The following DHDDS variants were observed in gnomAD, a reference collection of about 807,000 sequenced individuals.
DHDDS encodes the protein dehydrodolichyl diphosphate synthase complex subunit DHDDS.
In DHDDS, 16 loss-of-function variants were observed where a neutral mutation model predicts 46.2. The observed-to-expected ratio is 0.35, with a 90% CI of 0.23 to 0.53. The LOEUF (loss-of-function observed/expected upper bound fraction) is 0.53, where lower values mean the gene tolerates loss of function less well. Ranked by LOEUF, DHDDS falls within the 20% of genes least tolerant of loss-of-function variation. The probability of loss-of-function intolerance (pLI) is 0.94; values close to 1 mark genes in which losing one functional copy is unlikely to be tolerated. For synonymous variants in DHDDS, 151 were observed against 163.1 expected (o/e 0.93, Z 0.56); for missense variants, 340 against 423.7 (o/e 0.80, Z 1.73).
chr1:26,432,837 T>C, intron 1 of DHDDS, 54 bp from the exon 2 acceptor site: 2 of 1,150,084 alleles, frequency 1.7e-6, no homozygotes, highest in Non-Finnish European at 1.3e-6. Context: ...AGAAGTCAGT[T>C]ATAGCTCTTC....
chr1:26,459,069 C>A (rs1055845056), intron 7 of DHDDS, among the ~76,000 whole-genome samples: 3 of 152,168 alleles, frequency 2.0e-5, no homozygotes, highest in African/African-American at 7.2e-5. Flanking sequence ...GTGAGTGAGT[C>A]AGAAATGATC....
intron 3 of DHDDS, among the ~76,000 whole-genome samples, chr1:26,441,760 G>A (rs1190849940): frequency 1.3e-5 from 2 of 151,972 alleles, no homozygotes; most frequent in Non-Finnish European, 2.9e-5. Context: ...GCCAGATGTG[G>A]TGGCACATGC....
chr1:26,469,412 G>A lies in DHDDS; in HGVS notation c.*281G>A, dbSNP rs1213398424. 1.8e-6 allele frequency: 1 copy of A among 545,268 alleles called. No individual in the cohort carries two copies. The highest frequency in any genetic ancestry group is 1.9e-5 in the African/African-American group (1 of 52,714). 33.8% of individuals were successfully genotyped at this position (545,268 alleles called of 1,614,324 possible). A position where few individuals can be genotyped will look rare whatever the true frequency, so the allele number is the denominator to read the frequency against. On this transcript the variant is annotated 3_prime_UTR_variant, in exon 9 of 9. Coordinates refer to ENST00000236342, the MANE Select transcript of DHDDS (RefSeq NM_205861.3). ...AGCAAAGGGCCACAACTCATCAGCT[G>A]CCTGTCTCTTAGATGCACTTTCTTT...
chr1:26,454,602 C>G, intron 6 of DHDDS: 2 of 867,028 alleles, frequency 2.3e-6, no homozygotes, highest in Non-Finnish European at 1.8e-6. Flanking sequence ...TTTTTTTTTT[C>G]CCTTTTAATT....
chr1:26,468,650 AAG>A (rs2075517569), intron 8 of DHDDS, among the ~76,000 whole-genome samples: 2 of 152,170 alleles, frequency 1.3e-5, no homozygotes, highest in Admixed American at 1.3e-4. Context: ...GAAAAACTTT[AAG>A]AAGTACAGAC....
In DHDDS at chr1:26,435,675, C is replaced by T. The variant is rs113298140; in HGVS notation, c.64-2493C>T. ...TGTCGCCCAGGCTGCAGTGTGGTGG[C>T]GTGATCTTGGCTCACTGCAACCTCT... On this transcript the variant is annotated intron_variant, in intron 2 of 8. Transcript: ENST00000236342. Among the ~76,000 whole-genome samples the T allele has an allele frequency of 2.0e-3, 293 of 146,396 alleles. 1 individual carries two copies. Among genetic ancestry groups the T allele is most frequent in the African/African-American group, 5.4e-3 (212 of 39,434 alleles).
intron 2 of DHDDS, among the ~76,000 whole-genome samples, chr1:26,433,534 A>T (rs1249097524): frequency 6.6e-6 from 1 of 152,052 alleles, no homozygotes; most frequent in African/African-American, 2.4e-5. Context: ...CTGTAGTCCC[A>T]GCTACTCGGA....
Position 26,469,215 on chromosome 1 carries a change from C to T in DHDDS, c.*84C>T. On this transcript the variant is annotated 3_prime_UTR_variant, in exon 9 of 9. Transcript: ENST00000236342. ...TCCTTTTCTTGGTGAAAGGCACCTC[C>T]TTTCCTGATAATGAATGGTGTTCCC... 1 of 1,602,318 alleles carries T rather than the reference C, an allele frequency of 6.2e-7. No homozygotes were observed. The highest frequency in any genetic ancestry group is 8.5e-7 in the Non-Finnish European group (1 of 1,179,286).
intron 8 of DHDDS, 115 bp from the exon 9 acceptor site, chr1:26,468,780 C>G: frequency 7.1e-7 from 1 of 1,415,432 alleles, no homozygotes; most frequent in African/African-American, 1.4e-5. Flanking sequence ...TACCTACTTT[C>G]CACTGTTCCA....
At chr1:26,439,592 T>G (rs2075197514) in intron 3 of DHDDS, among the ~76,000 whole-genome samples, 1 of 151,776 alleles carries the variant, frequency 6.6e-6, no homozygotes, top group African/African-American at 2.4e-5. Flanking sequence ...AAAAAAAAAG[T>G]ACTCTTTTTG....
rs138350234 is a variant in DHDDS, at chr1:26,446,399, C to T, written c.407C>T (p.Ala136Val). ...LLPLDLQELI[A>V]QAVQATKNYN... ...CCCTTGGATCTCCAGGAGCTGATTG[C>T]ACAAGCTGTACAGGCCACGAAGAAC... is the stretch of plus-strand genomic sequence containing the variant. The change falls in exon 5 of 9, where the codon GCA (alanine) becomes GTA (valine). Residue 136 changes from alanine to valine, a missense_variant. Transcript: ENST00000236342. The T allele has an allele frequency of 6.2e-7, 1 of 1,613,812 alleles. No homozygotes were observed. Among genetic ancestry groups the T allele is most frequent in the Non-Finnish European group, 8.5e-7 (1 of 1,179,906 alleles).
intron 3 of DHDDS, among the ~76,000 whole-genome samples, chr1:26,439,421 CA>C (rs553319082): frequency 2.7e-4 from 39 of 144,282 alleles, no homozygotes; most frequent in Non-Finnish European, 3.4e-4. Flanking sequence ...CTCTACAAAA[CA>C]AAAAAAAAAA....
At chr1:26,463,833 A>G (rs2075451276) in intron 8 of DHDDS, among the ~76,000 whole-genome samples, 2 of 151,760 alleles carry the variant, frequency 1.3e-5, no homozygotes, top group Non-Finnish European at 2.9e-5. Context: ...GTAGGCTAAA[A>G]CAAATAAGTA....
chr1:26,439,908 A>G (rs1361602976), intron 3 of DHDDS, among the ~76,000 whole-genome samples: 1 of 152,250 alleles, frequency 6.6e-6, no homozygotes, highest in East Asian at 1.9e-4. Flanking sequence ...TGGGAGGCTG[A>G]GGTGCGCGGA....
At chr1:26,468,812 C>CCCCCCCCCCCACCACCT in intron 8 of DHDDS, 83 bp from the exon 9 acceptor site, 1 of 601,118 alleles carries the variant, frequency 1.7e-6, no homozygotes, top group African/African-American at 1.9e-5. Flanking sequence ...CCACCCTGTG[C>CCCCCCCCCCCACCACCT]CCCACCCCCT....
intron 6 of DHDDS, among the ~76,000 whole-genome samples, chr1:26,451,186 A>G (rs1330691437): frequency 1.3e-5 from 2 of 152,180 alleles, no homozygotes; most frequent in Non-Finnish European, 2.9e-5. Context: ...CAATGTCTCA[A>G]CCCACCAACT....
chr1:26,432,842 C>T (rs1031313150), intron 1 of DHDDS, 49 bp from the exon 2 acceptor site: 14 of 1,228,806 alleles, frequency 1.1e-5, no homozygotes, highest in African/African-American at 4.4e-5. Flanking sequence ...TCAGTTATAG[C>T]TCTTCGCAAA....
intron 6 of DHDDS, among the ~76,000 whole-genome samples, chr1:26,455,636 A>G (rs893721408): frequency 3.3e-5 from 5 of 152,158 alleles, no homozygotes; most frequent in Non-Finnish European, 1.5e-5. Context: ...AGTCCCAGCT[A>G]CTTGGGAGGC....
rs552638852 is a variant in DHDDS at position 26,471,261 on chromosome 1, T to C, written c.*2130T>C. On this transcript the variant is annotated 3_prime_UTR_variant, in exon 9 of 9. Transcript: ENST00000236342. ...TTTGAGGACATCTATCGTATTCTTG[T>C]GTGCTGGGTCTCAAATAGAATTTTT... The C allele has an allele frequency of 7.2e-5, 11 of 152,338 alleles. No homozygotes were observed. Among genetic ancestry groups the C allele is most frequent in the East Asian group, 3.9e-4 (2 of 5,188 alleles). The allele number at this position is 152,338 out of a possible 1,614,324, so 9.4% of individuals were successfully genotyped here. A position where few individuals can be genotyped will look rare whatever the true frequency, so the allele number is the denominator to read the frequency against.
Sources: allele counts gnomAD v4.1 joint callset (sites outside exome capture counted in the v4.1 genomes callset), GRCh38; gene constraint gnomAD v4.1.1; transcripts MANE v1.5; gene names NCBI Gene and HGNC (gene_info 2026-07-23, HGNC 2026-07-21).